The following HS6ST3 variants were observed in gnomAD, a reference collection of about 807,000 sequenced individuals.
The protein encoded by HS6ST3 is heparan-sulfate 6-O-sulfotransferase 3.
In HS6ST3, 12 loss-of-function variants were observed where a neutral mutation model predicts 36.7. The observed-to-expected ratio is 0.33, with a 90% confidence interval of 0.21 to 0.53. HS6ST3 has a LOEUF of 0.53. Among genes scored for constraint, HS6ST3 ranks in the 20% least tolerant of loss-of-function variants. The pLI is 0.95. For missense variants in HS6ST3, 584 were observed against 640.9 expected (o/e 0.91, Z 0.96); for synonymous variants, 240 against 257.5 (o/e 0.93, Z 0.65).
chr13:96,283,726 C>T (rs1358837353), intron 1 of HS6ST3, among the ~76,000 whole-genome samples: 1 of 152,126 alleles, frequency 6.6e-6, no homozygotes, highest in Non-Finnish European at 1.5e-5. Context: ...GTTTCTAAGG[C>T]ATTTCTGTTA....
chr13:96,158,290 T>C (rs1334501826), intron 1 of HS6ST3, among the ~76,000 whole-genome samples: 1 of 151,968 alleles, frequency 6.6e-6, no homozygotes, highest in East Asian at 1.9e-4. Context: ...GATTGGTGGT[T>C]TCTGCTGGGA....
At chr13:96,109,368 A>G (rs1335473973) in intron 1 of HS6ST3, among the ~76,000 whole-genome samples, 1 of 152,212 alleles carries the variant, frequency 6.6e-6, no homozygotes, top group South Asian at 2.1e-4. Flanking sequence ...TTGAGGAGGC[A>G]ACTCACGTTC....
At chr13:96,668,686 CTTTTTTTTTTTTTTTTTTTTTTTTTTT>C (rs146033180) in intron 1 of HS6ST3, among the ~76,000 whole-genome samples, 28 of 58,944 alleles carry the variant, frequency 4.8e-4, no homozygotes, top group Admixed American at 2.7e-3. Flanking sequence ...TAGTGCCAAC[CTTTTTTTTTTTTTTTTTTTTTTTTTTT>C]TTTTTTTTTT....
intron 1 of HS6ST3, among the ~76,000 whole-genome samples, chr13:96,557,570 A>G (rs2056245744): frequency 6.6e-6 from 1 of 152,088 alleles, no homozygotes; most frequent in South Asian, 2.1e-4. Context: ...CTCTCAACCT[A>G]AGTGATCCTT....
intron 1 of HS6ST3, among the ~76,000 whole-genome samples, chr13:96,141,971 A>G (rs2054034005): frequency 6.7e-6 from 1 of 149,646 alleles, no homozygotes; most frequent in Admixed American, 6.7e-5. Context: ...CCAGATATGC[A>G]TGACTTTGCC....
intron 1 of HS6ST3, among the ~76,000 whole-genome samples, chr13:96,581,148 G>T (rs1412604893): frequency 6.6e-6 from 1 of 151,774 alleles, no homozygotes; most frequent in Non-Finnish European, 1.5e-5. Context: ...TTTGAAAAAG[G>T]AATAAATTCA....
intron 1 of HS6ST3, among the ~76,000 whole-genome samples, chr13:96,454,892 C>A (rs563445020): frequency 6.7e-6 from 1 of 149,864 alleles, no homozygotes; most frequent in Non-Finnish European, 1.5e-5. Flanking sequence ...AAAAAACATA[C>A]GCCTTTATGC....
intron 1 of HS6ST3, among the ~76,000 whole-genome samples, chr13:96,757,525 T>G (rs1416952389): frequency 6.6e-6 from 1 of 152,196 alleles, no homozygotes; most frequent in Non-Finnish European, 1.5e-5. Context: ...TAGTAAAATA[T>G]TGAATAAAAT....
At chr13:96,682,197 A>G (rs2056720838) in intron 1 of HS6ST3, among the ~76,000 whole-genome samples, 1 of 152,160 alleles carries the variant, frequency 6.6e-6, no homozygotes, top group Non-Finnish European at 1.5e-5. Context: ...AGACCTATAT[A>G]TATTTATACA....
chr13:96,817,877 G>A (rs1337338265), intron 1 of HS6ST3, among the ~76,000 whole-genome samples: 4 of 152,134 alleles, frequency 2.6e-5, no homozygotes, highest in Admixed American at 1.3e-4. Flanking sequence ...TGTTGCTTAA[G>A]GGATGCGCCC....
At chr13:96,472,018 A>G (rs557312702) in intron 1 of HS6ST3, among the ~76,000 whole-genome samples, 10 of 152,278 alleles carry the variant, frequency 6.6e-5, no homozygotes, top group Non-Finnish European at 1.2e-4. Context: ...AGCAGCCTTC[A>G]TGGAAACATG....
intron 1 of HS6ST3, among the ~76,000 whole-genome samples, chr13:96,609,094 C>G (rs752429611): frequency 6.6e-6 from 1 of 151,944 alleles, no homozygotes; most frequent in African/African-American, 2.4e-5. Context: ...CTCAGCCTCC[C>G]GAGTAGCTGG....
intron 1 of HS6ST3, among the ~76,000 whole-genome samples, chr13:96,439,974 A>C (rs2055662473): frequency 6.6e-6 from 1 of 152,230 alleles, no homozygotes; most frequent in African/African-American, 2.4e-5. Flanking sequence ...AGTATGGTGA[A>C]TTGGCACCAT....
At chr13:96,449,978 A>G (rs888546265) in intron 1 of HS6ST3, among the ~76,000 whole-genome samples, 8 of 152,230 alleles carry the variant, frequency 5.3e-5, no homozygotes, top group Non-Finnish European at 7.3e-5. Context: ...CAGATAAAAC[A>G]TGTACCCTGG....
At chr13:96,722,869 C>T (rs562569567) in intron 1 of HS6ST3, among the ~76,000 whole-genome samples, 31 of 152,116 alleles carry the variant, frequency 2.0e-4, no homozygotes, top group African/African-American at 5.3e-4. Flanking sequence ...CCCAGCTACA[C>T]GGGAAGCGGA....
At chr13:96,331,231 G>A (rs1247120516) in intron 1 of HS6ST3, among the ~76,000 whole-genome samples, 2 of 152,216 alleles carry the variant, frequency 1.3e-5, no homozygotes, top group South Asian at 2.1e-4. Context: ...GAGGAACTGC[G>A]TTCCTTTGGA....
At chr13:96,790,269 G>GTA (rs1877753415) in intron 1 of HS6ST3, among the ~76,000 whole-genome samples, 2 of 74,854 alleles carry the variant, frequency 2.7e-5, no homozygotes, top group South Asian at 9.6e-4. Context: ...AAACACACAT[G>GTA]TACACACACA....
chr13:96,769,837 GT>G (rs2138506417), intron 1 of HS6ST3, among the ~76,000 whole-genome samples: 1 of 151,262 alleles, frequency 6.6e-6, no homozygotes, highest in African/African-American at 2.4e-5. Context: ...ACTCTACTCT[GT>G]TCTTATTTTG....
At chr13:96,299,486 G>A (rs1314362266) in intron 1 of HS6ST3, among the ~76,000 whole-genome samples, 3 of 152,088 alleles carry the variant, frequency 2.0e-5, no homozygotes, top group Non-Finnish European at 2.9e-5. Context: ...TAGAGAAAAC[G>A]GCCACCAGAT....
Sources: allele counts gnomAD v4.1 joint callset (sites outside exome capture counted in the v4.1 genomes callset), GRCh38; gene constraint gnomAD v4.1.1; transcripts MANE v1.5; gene names NCBI Gene and HGNC (gene_info 2026-07-23, HGNC 2026-07-21).